TRIO: variants seen among roughly 807,000 people sequenced by gnomAD.
TRIO encodes trio Rho guanine nucleotide exchange factor, also known as triple functional domain protein.
Under a neutral mutation model 351.9 loss-of-function variants are expected in TRIO, and 58 were observed. The ratio of observed to expected loss-of-function variants is 0.16; its 90% CI spans 0.13 to 0.21. The LOEUF (loss-of-function observed/expected upper bound fraction) is 0.21, where lower values mean the gene tolerates loss of function less well. TRIO is among the 10% of genes least tolerant of loss of function. The pLI, the probability that TRIO is intolerant of heterozygous loss-of-function variation, is 1.00. For missense variants in TRIO, 3,201 were observed against 4,027.8 expected, an observed-to-expected ratio of 0.79 and a Z score of 5.56; for synonymous variants, 1,758 against 1,595.7, an observed-to-expected ratio of 1.10 and a Z score of -2.42.
At chr5:14,294,020 A>AT (rs1042720784) in intron 6 of TRIO, among the ~76,000 whole-genome samples, 21 of 72,362 alleles carry the variant, frequency 2.9e-4, no homozygotes, top group African/African-American at 1.1e-3. Context: ...TAAAAAAAAA[A>AT]AATAATAATT....
chr5:14,289,556 T>A (rs571538331), intron 4 of TRIO, among the ~76,000 whole-genome samples: 4 of 132,032 alleles, frequency 3.0e-5, no homozygotes, highest in Non-Finnish European at 4.9e-5. Flanking sequence ...TTTCCTTTTT[T>A]AAAAAAAAAG....
chr5:14,358,392 G>T, intron 12 of TRIO, 45 bp downstream of exon 12: 1 of 1,601,670 alleles, frequency 6.2e-7, no homozygotes, highest in African/African-American at 1.3e-5. Flanking sequence ...CTGAAACCCT[G>T]CCTGTGACTC....
At chr5:14,293,428 A>G (rs939358013) in intron 6 of TRIO, among the ~76,000 whole-genome samples, 9 of 152,342 alleles carry the variant, frequency 5.9e-5, no homozygotes, top group South Asian at 2.1e-4. Context: ...TGCACTTCAT[A>G]GGAGCCCACG....
At chr5:14,382,581 G>A (rs1467117460) in intron 21 of TRIO, among the ~76,000 whole-genome samples, 1 of 152,218 alleles carries the variant, frequency 6.6e-6, no homozygotes, top group Non-Finnish European at 1.5e-5. Context: ...GCTGCCCCCA[G>A]AGGCACAATG....
chr5:14,236,221 T>C lies in TRIO; in HGVS notation c.158-34604T>C, dbSNP rs1035339375. On this transcript the variant is annotated intron_variant, in intron 1 of 56. Transcript: ENST00000344204. ...CAGAGGTCCCCAGAAAGGAAAAATA[T>C]GATTAACGGTATTTTCTTCAAATGT... Among the ~76,000 whole-genome samples the C allele has an allele frequency of 5.3e-5, 8 of 152,262 alleles. No individual in the cohort carries two copies. The East Asian group carries it at 1.2e-3, about 22-fold the overall frequency.
intron 33 of TRIO, among the ~76,000 whole-genome samples, chr5:14,407,462 G>A (rs1179801577): frequency 6.6e-6 from 1 of 152,230 alleles, no homozygotes; most frequent in Non-Finnish European, 1.5e-5. Context: ...CTCCTGTTAT[G>A]AGAAAGTCCA....
At chr5:14,210,235 A>G (rs1791799535) in intron 1 of TRIO, among the ~76,000 whole-genome samples, 1 of 152,214 alleles carries the variant, frequency 6.6e-6, no homozygotes, top group Admixed American at 6.5e-5. Flanking sequence ...CATGAAATTA[A>G]ACCACTGGTT....
chr5:14,240,527 G>A (rs1309483001), intron 1 of TRIO, among the ~76,000 whole-genome samples: 1 of 152,136 alleles, frequency 6.6e-6, no homozygotes, highest in African/African-American at 2.4e-5. Flanking sequence ...TTGCATTTAA[G>A]CATTATCAGC....
At position 14,492,696 on chromosome 5, in the gene TRIO, A is replaced by G; in HGVS notation, c.7762A>G (p.Met2588Val). 1.2e-6 allele frequency: 2 copies of G among 1,614,130 alleles called. No individual in the cohort carries two copies. The highest frequency in any genetic ancestry group is 1.7e-6 in the Non-Finnish European group (2 of 1,180,008). ...AATTCTGGCCAGCAACCAGCAGAAC[A>G]TGTTTCTGGTGTTCCGAGCCGCCAC... ...VQILASNQQN[M>V]FLVFRAATDQ... The change falls in exon 49 of 57, where the codon ATG becomes GTG. Residue 2588 changes from methionine (M) to valine (V), a missense_variant. Physicochemically the swap from Met to Val is conservative, Grantham distance 21. Transcript: ENST00000344204.
rs552895318 is a variant in TRIO at position 14,259,808 on chromosome 5, A to C, written c.158-11017A>C. On this transcript the variant is annotated intron_variant, in intron 1 of 56. Coordinates refer to ENST00000344204, the MANE Select transcript of TRIO (RefSeq NM_007118.4). Reference sequence around the variant, plus strand: ...TTTTTTGTTTTTTTTTTGAGTTGTCATAATAGTAACAGGATTGCTCTTACG... The same window carrying C: ...TTTTTTGTTTTTTTTTTGAGTTGTCCTAATAGTAACAGGATTGCTCTTACG... 7.3e-5 allele frequency among the ~76,000 whole-genome samples: 11 copies of C among 150,922 alleles called. No homozygotes were observed. The South Asian group carries it at 1.9e-3, about 26-fold the overall frequency.
At chr5:14,380,776 A>G (rs1031317025) in intron 20 of TRIO, among the ~76,000 whole-genome samples, 4 of 152,330 alleles carry the variant, frequency 2.6e-5, no homozygotes, top group African/African-American at 9.6e-5. Context: ...ACGTATGTTT[A>G]TTGAAACACT....
chr5:14,304,424 G>T, intron 7 of TRIO, 37 bp from the exon 8 acceptor site: 10 of 1,584,790 alleles, frequency 6.3e-6, no homozygotes, highest in Non-Finnish European at 6.8e-6. Flanking sequence ...AATATAAATT[G>T]TCATTGATAG....
At chr5:14,442,206 A>G (rs970350967) in intron 34 of TRIO, among the ~76,000 whole-genome samples, 1 of 152,230 alleles carries the variant, frequency 6.6e-6, no homozygotes, top group Non-Finnish European at 1.5e-5. Context: ...GGCCTGGGTC[A>G]CTTTCAGTGT....
At chr5:14,247,501 G>A (rs1314888745) in intron 1 of TRIO, among the ~76,000 whole-genome samples, 1 of 152,228 alleles carries the variant, frequency 6.6e-6, no homozygotes, top group East Asian at 1.9e-4. Context: ...CTCAAGACTT[G>A]AAGTGATGTT....
intron 34 of TRIO, among the ~76,000 whole-genome samples, chr5:14,421,696 C>T (rs1441847959): frequency 2.0e-5 from 3 of 151,446 alleles, no homozygotes; most frequent in Admixed American, 1.3e-4. Flanking sequence ...AACATGGAAA[C>T]GGAGGGCGTC....
chr5:14,282,874 C>T (rs570059595), intron 3 of TRIO, among the ~76,000 whole-genome samples: 3 of 152,022 alleles, frequency 2.0e-5, no homozygotes, highest in Non-Finnish European at 2.9e-5. Flanking sequence ...TGCTTGTCCT[C>T]GATTAATGAG....
chr5:14,396,915 A>C (rs1747650014), intron 28 of TRIO, 128 bp from the exon 29 acceptor site: 1 of 715,272 alleles, frequency 1.4e-6, no homozygotes, highest in Non-Finnish European at 2.3e-6. Context: ...CTATGAGAAC[A>C]TATGCCCAGT....
At chr5:14,230,708 C>T (rs756167260) in intron 1 of TRIO, among the ~76,000 whole-genome samples, 16 of 152,054 alleles carry the variant, frequency 1.1e-4, no homozygotes, top group Non-Finnish European at 1.0e-4. Flanking sequence ...GGTCATTTCT[C>T]CTTTGTATCA....
At chr5:14,277,418 T>A (rs1735630663) in intron 2 of TRIO, among the ~76,000 whole-genome samples, 1 of 152,246 alleles carries the variant, frequency 6.6e-6, no homozygotes, top group Non-Finnish European at 1.5e-5. Flanking sequence ...GTTACAGACA[T>A]GAAAAGCTTC....
Sources: gnomAD v4.1 joint callset for allele counts (sites outside exome capture counted in the v4.1 genomes callset) on GRCh38, gnomAD v4.1.1 for gene constraint, MANE v1.5 for transcripts, NCBI Gene and HGNC (gene_info 2026-07-23, HGNC 2026-07-21) for gene names.